FRMPD3: variants seen among roughly 807,000 people sequenced by gnomAD.
The protein encoded by FRMPD3 is FERM and PDZ domain-containing protein 3.
FRMPD3 carries 42 observed loss-of-function variants against 97.9 expected under a neutral mutation model. That is an observed-to-expected ratio of 0.43 (90% confidence interval 0.34 to 0.55). FRMPD3 has a LOEUF of 0.55. Ranked by LOEUF, FRMPD3 falls within the 20% of genes least tolerant of loss-of-function variation. FRMPD3 has a pLI of 0.03. For synonymous variants in FRMPD3, 577 were observed against 581.1 expected (o/e 0.99, Z 0.10); for missense variants, 1,303 against 1,457.7 (o/e 0.89, Z 1.73).
chrX:107,502,788 T>G (rs1921944972), intron 1 of FRMPD3, among the ~76,000 whole-genome samples: 1 of 112,722 alleles, frequency 8.9e-6, no homozygotes, highest in Non-Finnish European at 1.9e-5. Flanking sequence ...ATTTAAAATC[T>G]TGTATTGCCT....
At chrX:107,505,269 A>G (rs985287112) in intron 1 of FRMPD3, among the ~76,000 whole-genome samples, 1 of 112,300 alleles carries the variant, frequency 8.9e-6, no homozygotes, top group African/African-American at 3.2e-5. Flanking sequence ...CTGTTTGACC[A>G]ACAAGAAAAC....
At chrX:107,576,537 T>C (rs1434925163) in intron 13 of FRMPD3, 78 bp downstream of exon 13, 1 of 1,062,662 alleles carries the variant, frequency 9.4e-7, no homozygotes, top group Non-Finnish European at 1.3e-6. Context: ...AGAGCTTCTC[T>C]GCCTTAGTGC....
At chrX:107,579,667 A>G (rs748979307) in intron 13 of FRMPD3, among the ~76,000 whole-genome samples, 2 of 111,586 alleles carry the variant, frequency 1.8e-5, no homozygotes, top group Non-Finnish European at 3.8e-5. Flanking sequence ...GAGCTTAGAG[A>G]AAGGTCCAGA....
At chrX:107,465,452 A>G (rs934534302) in intron 1 of FRMPD3, among the ~76,000 whole-genome samples, 1 of 111,625 alleles carries the variant, frequency 9.0e-6, no homozygotes, top group Non-Finnish European at 1.9e-5. Context: ...CCTGGGTGAC[A>G]GAGTGATACA....
chrX:107,490,499 C>T (rs1921631587), intron 1 of FRMPD3, among the ~76,000 whole-genome samples: 1 of 111,424 alleles, frequency 9.0e-6, no homozygotes, highest in South Asian at 3.8e-4. Context: ...TGTTTGTATC[C>T]TCTTTTATTT....
At chrX:107,467,287 G>T (rs991216394) in intron 1 of FRMPD3, among the ~76,000 whole-genome samples, 2 of 110,638 alleles carry the variant, frequency 1.8e-5, no homozygotes, top group African/African-American at 6.6e-5. Context: ...AAGTGTAAAT[G>T]TGAGTGTGAG....
intron 13 of FRMPD3, among the ~76,000 whole-genome samples, chrX:107,586,203 C>CTTCTAGATT (rs1335880823): frequency 8.9e-6 from 1 of 111,827 alleles, no homozygotes; most frequent in Non-Finnish European, 1.9e-5. Context: ...TTATCCATTT[C>CTTCTAGATT]TTCTAGATTT....
intron 1 of FRMPD3, among the ~76,000 whole-genome samples, chrX:107,523,941 G>A (rs1439262761): frequency 8.9e-6 from 1 of 111,852 alleles, no homozygotes; most frequent in Non-Finnish European, 1.9e-5. Flanking sequence ...GATCAAGGGG[G>A]AGCACTGAGC....
At chrX:107,579,602 A>G (rs1465175858) in intron 13 of FRMPD3, among the ~76,000 whole-genome samples, 1 of 111,935 alleles carries the variant, frequency 8.9e-6, no homozygotes, top group African/African-American at 3.2e-5. Flanking sequence ...TATATATAAG[A>G]GATTCAATAG....
intron 13 of FRMPD3, among the ~76,000 whole-genome samples, chrX:107,592,307 T>A (rs1256678229): frequency 8.9e-6 from 1 of 111,906 alleles, no homozygotes; most frequent in African/African-American, 3.2e-5. Flanking sequence ...TTGTATATAT[T>A]TACCACATTT....
intron 5 of FRMPD3, among the ~76,000 whole-genome samples, chrX:107,548,149 A>G (rs1921701919): frequency 8.9e-6 from 1 of 112,211 alleles, no homozygotes; most frequent in East Asian, 2.8e-4. Context: ...TGGCTTCTCA[A>G]ATCATCCACA....
In FRMPD3 at chrX:107,602,399, G is replaced by C; in HGVS notation, c.4360G>C (p.Val1454Leu). 2 of 1,210,406 alleles carry C rather than the reference G, an allele frequency of 1.7e-6. No individual in the cohort carries two copies. Among genetic ancestry groups the C allele is most frequent in the Non-Finnish European group, 2.2e-6 (2 of 895,023 alleles). Residue 1454 changes from valine to leucine, a missense_variant, in exon 15 of 15, where the codon GTC becomes CTC. By Grantham distance (32) the Val-to-Leu change is conservative (BLOSUM62 1). Around this residue, in one of 3 missense-constraint regions of FRMPD3, gnomAD observed 764 missense variants for 820.2 expected, o/e 0.93. Transcript: ENST00000683843. ...ESPTLGDPSYVQVAPETKGPR... is the reference protein window; with the variant it reads ...ESPTLGDPSYLQVAPETKGPR... The stretch of plus-strand genomic sequence containing the variant: ...ACCGACGCTGGGAGACCCCTCCTAC[G>C]TCCAGGTTGCCCCAGAGACCAAAGG...
At chrX:107,569,171 T>G (rs1310778150) in intron 12 of FRMPD3, among the ~76,000 whole-genome samples, 2 of 109,356 alleles carry the variant, frequency 1.8e-5, no homozygotes, top group Non-Finnish European at 3.8e-5. Flanking sequence ...GGCGCACACC[T>G]GTAATCCCAG....
chrX:107,547,519 G>A (rs1438464472), intron 5 of FRMPD3, among the ~76,000 whole-genome samples: 2 of 111,764 alleles, frequency 1.8e-5, no homozygotes, highest in Non-Finnish European at 3.8e-5. Flanking sequence ...GAGTAGCTAG[G>A]ACCCACCTAG....
At chrX:107,552,035 G>A (rs1345166032) in intron 6 of FRMPD3, among the ~76,000 whole-genome samples, 1 of 112,222 alleles carries the variant, frequency 8.9e-6, no homozygotes, top group Non-Finnish European at 1.9e-5. Flanking sequence ...GGAGCCCAGT[G>A]TATAAGCCAA....
chrX:107,600,191 A>C, intron 14 of FRMPD3, 112 bp from the exon 15 acceptor site: 1 of 998,975 alleles, frequency 1.0e-6, no homozygotes, highest in Non-Finnish European at 1.3e-6. Flanking sequence ...AAGTTTTGGA[A>C]TCTTCAGGAG....
chrX:107,602,255 G>A lies in FRMPD3; in HGVS notation c.4216G>A (p.Ala1406Thr). Residue 1406 changes from alanine to threonine, a missense_variant, in exon 15 of 15, where the codon GCC becomes ACC. Coordinates refer to ENST00000683843, the MANE Select transcript of FRMPD3 (RefSeq NM_001388459.1). ...SISELDQGDRASLTSDVYPHP... is the reference protein window; with the variant it reads ...SISELDQGDRTSLTSDVYPHP... ...CAGTGAGCTGGACCAGGGTGACAGG[G>A]CCTCGCTGACCTCGGATGTCTACCC... The A allele has an allele frequency of 8.3e-7, 1 of 1,208,723 alleles. No individual in the cohort carries two copies. The highest frequency in any genetic ancestry group is 1.8e-5 in the South Asian group (1 of 56,636).
intron 1 of FRMPD3, among the ~76,000 whole-genome samples, chrX:107,506,897 G>T (rs1180272858): frequency 8.9e-6 from 1 of 111,954 alleles, no homozygotes; most frequent in Non-Finnish European, 1.9e-5. Flanking sequence ...CACCGCTGCT[G>T]CTACCTTGCT....
chrX:107,578,301 A>T (rs1454205133), intron 13 of FRMPD3, among the ~76,000 whole-genome samples: 1 of 111,851 alleles, frequency 8.9e-6, no homozygotes, highest in Non-Finnish European at 1.9e-5. Flanking sequence ...TCATCCCATC[A>T]GCACCCTAGC....
Sources: allele counts gnomAD v4.1 joint callset (sites outside exome capture counted in the v4.1 genomes callset), GRCh38; gene constraint gnomAD v4.1.1; regional missense constraint gnomAD v4.1.1; transcripts MANE v1.5; gene names NCBI Gene and HGNC (gene_info 2026-07-23, HGNC 2026-07-21).